Variants in TMEM233 observed in about 807,000 individuals in gnomAD.
The protein encoded by TMEM233 is transmembrane protein 233, also known as dispanin subfamily B member 2.
A neutral mutation model predicts 11.2 loss-of-function variants in TMEM233; 6 were observed. That is an observed-to-expected ratio of 0.54 (90% confidence interval 0.29 to 1.06). The LOEUF (loss-of-function observed/expected upper bound fraction) is 1.06. Ranked by LOEUF, TMEM233 falls within the 50% of genes least tolerant of loss-of-function variation. TMEM233 has a pLI of 0.08. For missense variants in TMEM233, 127 were observed against 144.7 expected, an observed-to-expected ratio of 0.88 and a Z score of 0.63; for synonymous variants, 59 against 55.8, an observed-to-expected ratio of 1.06 and a Z score of -0.26.
chr12:119,652,752 AC>A, the TMEM233 span, among the ~76,000 whole-genome samples: 1 of 152,164 alleles, frequency 6.6e-6, no homozygotes, highest in Non-Finnish European at 1.5e-5. Context: ...ACAAAACCAA[AC>A]CAAAAAGCTG....
the TMEM233 span, among the ~76,000 whole-genome samples, chr12:119,649,481 T>C: frequency 6.6e-6 from 1 of 152,322 alleles, no homozygotes; most frequent in African/African-American, 2.4e-5. Context: ...TTGCTTTTTA[T>C]ACTCTCTGAG....
rs150238866 is a variant in TMEM233 at position 119,616,384 on chromosome 12, A to G, written c.187-13352A>G. 2.8e-3 allele frequency among the ~76,000 whole-genome samples: 433 copies of G among 152,372 alleles called. 1 individual carries two copies. The highest frequency in any genetic ancestry group is 4.8e-3 in the Admixed American group (74 of 15,302). ...GATAACAGAGGAAAATTAAAACCAGAAAGAAACTGAAGTCCCTTCATTTTA... is the reference window on the plus strand; with the variant it reads ...GATAACAGAGGAAAATTAAAACCAGGAAGAAACTGAAGTCCCTTCATTTTA... On this transcript the variant is annotated intron_variant, in intron 1 of 2. Coordinates refer to ENST00000426426, the MANE Select transcript of TMEM233 (RefSeq NM_001136534.3).
intron 1 of TMEM233, among the ~76,000 whole-genome samples, chr12:119,627,904 T>C (rs4766944): frequency 0.77 from 116,463 of 152,128 alleles, 44,779 homozygotes; most frequent in Middle Eastern, 0.85. Context: ...GGGCAATGAC[T>C]CGGAAGTTGT....
the TMEM233 span, among the ~76,000 whole-genome samples, chr12:119,653,365 C>G: frequency 7.7e-4 from 93 of 120,314 alleles, no homozygotes; most frequent in South Asian, 0.024. Flanking sequence ...GCACTCCAGC[C>G]TGGGTGACAG....
rs1953980369 is a variant in TMEM233 at position 119,594,172 on chromosome 12, T to A, written c.186+138T>A. On this transcript the variant is annotated intron_variant, in intron 1 of 2. Coordinates refer to ENST00000426426, the MANE Select transcript of TMEM233 (RefSeq NM_001136534.3). The surrounding 1 kb of genome is among the most constrained non-coding windows in gnomAD (Gnocchi z 5.6). ...GCTAGGTGTTCTTTGTCCTCGCACC[T>A]CCTCCTCACCTTTCTCGGGCTCTCA... 13 of 803,546 alleles carry A rather than the reference T, an allele frequency of 1.6e-5. No homozygotes were observed. Among genetic ancestry groups the A allele is most frequent in the Non-Finnish European group, 2.5e-5 (13 of 513,854 alleles). 49.8% of individuals were successfully genotyped at this position (803,546 alleles called of 1,614,324 possible). A position where few individuals can be genotyped will look rare whatever the true frequency, so the allele number is the denominator to read the frequency against.
intron 1 of TMEM233, among the ~76,000 whole-genome samples, chr12:119,617,137 A>G (rs532326176): frequency 9.8e-5 from 15 of 152,324 alleles, no homozygotes; most frequent in South Asian, 8.3e-4. Flanking sequence ...AGAGATTGGA[A>G]CAGTTTGGAG....
intron 1 of TMEM233, among the ~76,000 whole-genome samples, chr12:119,621,283 C>A (rs1469552377): frequency 6.6e-6 from 1 of 152,222 alleles, no homozygotes; most frequent in Non-Finnish European, 1.5e-5. Flanking sequence ...CACGTGATCC[C>A]CTGCCTTGGC....
chr12:119,622,717 A>G (rs182267597), intron 1 of TMEM233, among the ~76,000 whole-genome samples: 1 of 152,064 alleles, frequency 6.6e-6, no homozygotes, highest in African/African-American at 2.4e-5. Flanking sequence ...CAGAGCTGGA[A>G]TCTCTCACTC....
chr12:119,625,867 T>G (rs1222093411), intron 1 of TMEM233, among the ~76,000 whole-genome samples: 1 of 152,162 alleles, frequency 6.6e-6, no homozygotes, highest in Non-Finnish European at 1.5e-5. Context: ...CTCAAGAAAT[T>G]TAACATTATT....
the TMEM233 span, among the ~76,000 whole-genome samples, chr12:119,650,157 CAA>C: frequency 4.6e-5 from 6 of 129,054 alleles, no homozygotes; most frequent in Admixed American, 8.0e-5. Context: ...GACTCCATCT[CAA>C]AAAAAAAAAA....
At chr12:119,638,498 C>A (rs1422028634) in intron 2 of TMEM233, among the ~76,000 whole-genome samples, 1 of 151,994 alleles carries the variant, frequency 6.6e-6, no homozygotes, top group Non-Finnish European at 1.5e-5. Flanking sequence ...AAAAACAATG[C>A]CCAGGGCCCA....
chr12:119,606,835 A>T (rs1471783266), intron 1 of TMEM233, among the ~76,000 whole-genome samples: 2 of 152,262 alleles, frequency 1.3e-5, no homozygotes, highest in African/African-American at 4.8e-5. Context: ...TAAATGTAAA[A>T]GAGACATAAA....
intron 1 of TMEM233, among the ~76,000 whole-genome samples, chr12:119,609,738 T>C (rs1028125775): frequency 1.3e-5 from 2 of 152,212 alleles, no homozygotes; most frequent in African/African-American, 2.4e-5. Flanking sequence ...AAGTCAAGAA[T>C]TGAGGTTTGG....
At chr12:119,638,424 C>T (rs528070418) in intron 2 of TMEM233, among the ~76,000 whole-genome samples, 4 of 152,272 alleles carry the variant, frequency 2.6e-5, no homozygotes, top group African/African-American at 7.2e-5. Context: ...AATTGTGCCA[C>T]TGTACTCCAG....
chr12:119,625,639 A>G (rs997956681), intron 1 of TMEM233, among the ~76,000 whole-genome samples: 3 of 152,144 alleles, frequency 2.0e-5, no homozygotes, highest in Non-Finnish European at 2.9e-5. Context: ...TGTTCTTTTT[A>G]TTTTGAAAAA....
chr12:119,620,517 T>C (rs981399336), intron 1 of TMEM233, among the ~76,000 whole-genome samples: 7 of 152,190 alleles, frequency 4.6e-5, no homozygotes, highest in African/African-American at 1.7e-4. Context: ...ACTAAATGTC[T>C]ATAGTTATAG....
chr12:119,644,364 C>T (rs1453287414), downstream of TMEM233, among the ~76,000 whole-genome samples: 1 of 150,306 alleles, frequency 6.7e-6, no homozygotes, highest in Non-Finnish European at 1.5e-5. Flanking sequence ...ATTTGCTAGG[C>T]AAAAAAACAA....
At chr12:119,608,187 A>G (rs1045111090) in intron 1 of TMEM233, among the ~76,000 whole-genome samples, 3 of 152,152 alleles carry the variant, frequency 2.0e-5, no homozygotes, top group African/African-American at 7.2e-5. Flanking sequence ...CCCAAGTAGA[A>G]GCTCACTCTA....
In TMEM233 at chr12:119,640,848, A is replaced by T; in HGVS notation, c.*143A>T. The T allele has an allele frequency of 3.1e-6, 2 of 646,356 alleles. No homozygotes were observed. Among genetic ancestry groups the T allele is most frequent in the Non-Finnish European group, 4.3e-6 (2 of 461,004 alleles). The allele number at this position is 646,356 out of a possible 1,614,324, so 40.0% of individuals were successfully genotyped here. ...CTCTCCAGAGGCAGGTCCCTGGCAAATGAACAAGAAAAAAAAAAAAAAAAA... is the reference window on the plus strand; with the variant it reads ...CTCTCCAGAGGCAGGTCCCTGGCAATTGAACAAGAAAAAAAAAAAAAAAAA... On this transcript the variant is annotated 3_prime_UTR_variant, in exon 3 of 3. Transcript: ENST00000426426.
Sources: allele counts gnomAD v4.1 joint callset (sites outside exome capture counted in the v4.1 genomes callset), GRCh38; gene constraint gnomAD v4.1.1; non-coding constraint Gnocchi (gnomAD v3.1); transcripts MANE v1.5; gene names NCBI Gene and HGNC (gene_info 2026-07-23, HGNC 2026-07-21).